The following ZNF609 variants were observed in gnomAD, a reference collection of about 807,000 sequenced individuals.
ZNF609 encodes the protein zinc finger protein 609.
Under a neutral mutation model 109.5 loss-of-function variants are expected in ZNF609, and 11 were observed. That is an observed-to-expected ratio of 0.10 (90% confidence interval 0.06 to 0.17). The LOEUF is 0.17. Ranked by LOEUF, ZNF609 falls within the 10% of genes least tolerant of loss-of-function variation. ZNF609 has a pLI of 1.00. For synonymous variants in ZNF609, 646 were observed against 662.0 expected, an observed-to-expected ratio of 0.98 and a Z score of 0.37; for missense variants, 1,559 against 1,772.4, an observed-to-expected ratio of 0.88 and a Z score of 2.16.
intron 1 of ZNF609, among the ~76,000 whole-genome samples, chr15:64,483,538 C>T (rs1022218159): frequency 2.6e-5 from 4 of 152,102 alleles, no homozygotes; most frequent in East Asian, 3.9e-4. Context: ...AGATGCATAC[C>T]ACCACGCCTG....
chr15:64,627,981 A>C (rs1895998872), intron 3 of ZNF609, among the ~76,000 whole-genome samples: 1 of 150,842 alleles, frequency 6.6e-6, no homozygotes, highest in Non-Finnish European at 1.5e-5. Context: ...AAGTTATAAA[A>C]ATCTATGCAG....
chr15:64,551,985 C>CAA lies in ZNF609; in HGVS notation c.747+51835_747+51836dup, dbSNP rs35698512. Among the ~76,000 whole-genome samples the CAA allele has an allele frequency of 8.9e-4, 83 of 93,374 alleles. 2 individuals carry two copies. The highest frequency in any genetic ancestry group is 5.8e-3 in the Middle Eastern group (1 of 172). 61.3% of individuals were successfully genotyped at this position (93,374 alleles called of 152,430 possible). A position where few individuals can be genotyped will look rare whatever the true frequency, so the allele number is the denominator to read the frequency against. The stretch of plus-strand genomic sequence containing the variant: ...TGGGTGACAGAGTAAGACTCTGTCT[C>CAA]AAAAAAAAAAAAAAAAAGTTTTTTC... On this transcript the variant is annotated intron_variant, in intron 2 of 9. Transcript: ENST00000326648.
At chr15:64,543,182 T>A (rs1336840765) in intron 2 of ZNF609, among the ~76,000 whole-genome samples, 2 of 151,654 alleles carry the variant, frequency 1.3e-5, no homozygotes, top group African/African-American at 2.4e-5. Context: ...AAAATAAATT[T>A]AAAAATTCCA....
At chr15:64,648,745 C>CAAAAAAAAA (rs1162012248) in intron 3 of ZNF609, among the ~76,000 whole-genome samples, 1 of 72,426 alleles carries the variant, frequency 1.4e-5, no homozygotes. Context: ...CACCACATAC[C>CAAAAAAAAA]AAAAAAAAAA....
chr15:64,653,503 G>A (rs373044660), intron 3 of ZNF609, among the ~76,000 whole-genome samples: 7 of 152,298 alleles, frequency 4.6e-5, no homozygotes, highest in African/African-American at 1.7e-4. Context: ...AAAATTAGCT[G>A]GGTGTGGCGG....
Position 64,517,854 on chromosome 15 carries a change from A to G in ZNF609, c.747+17688A>G, listed in dbSNP as rs1015600922. Among the ~76,000 whole-genome samples, 43 of 152,166 alleles carry G rather than the reference A, an allele frequency of 2.8e-4. 1 individual carries two copies. Among genetic ancestry groups the G allele is most frequent in the African/African-American group, 1.0e-3 (42 of 41,522 alleles). ...GAGTACAGTGGCACAATCTTGGCCC[A>G]CTATAACCTCTGCCTCCTGGGCTCA... On this transcript the variant is annotated intron_variant, in intron 2 of 9. Transcript: ENST00000326648.
intron 2 of ZNF609, among the ~76,000 whole-genome samples, chr15:64,558,297 G>T (rs1360015801): frequency 6.6e-6 from 1 of 151,162 alleles, no homozygotes; most frequent in Non-Finnish European, 1.5e-5. Context: ...TCCTACCTGG[G>T]TTCCAATCCT....
intron 2 of ZNF609, chr15:64,502,239 A>G (rs1893572372): frequency 1.3e-5 from 2 of 152,166 alleles, no homozygotes; most frequent in Admixed American, 1.3e-4. Flanking sequence ...TGTTCCCTCA[A>G]CCCTTTTGGA....
chr15:64,629,419 G>GAGGT, intron 3 of ZNF609, among the ~76,000 whole-genome samples: 1 of 152,332 alleles, frequency 6.6e-6, no homozygotes, highest in East Asian at 1.9e-4. Flanking sequence ...AGAGAATTTG[G>GAGGT]AGGTAGGTAG....
rs191176762 is a variant in ZNF609, at chr15:64,681,525, C to T, written c.*5+138C>T. ...TGGAACCCTGGCCAAGCCTCTTGTA[C>T]AAGAGTCTCCCGTGAAGCCATGTGC... is the stretch of plus-strand genomic sequence containing the variant. On this transcript the variant is annotated intron_variant, in intron 9 of 9. Coordinates refer to ENST00000326648, the MANE Select transcript of ZNF609 (RefSeq NM_015042.2). The T allele has an allele frequency of 3.8e-5, 27 of 713,868 alleles. No individual in the cohort carries two copies. In the Admixed American group the frequency reaches 3.9e-4, roughly 10 times the overall value. The allele number at this position is 713,868 out of a possible 1,614,324, so 44.2% of individuals were successfully genotyped here.
At chr15:64,541,021 C>CT (rs1894246443) in intron 2 of ZNF609, among the ~76,000 whole-genome samples, 1 of 123,768 alleles carries the variant, frequency 8.1e-6, no homozygotes, top group African/African-American at 3.2e-5. Flanking sequence ...GAGTAAGACT[C>CT]TGTCTCAAAA....
chr15:64,648,655 A>C (rs1457775499), intron 3 of ZNF609, among the ~76,000 whole-genome samples: 1 of 151,554 alleles, frequency 6.6e-6, no homozygotes, highest in African/African-American at 2.4e-5. Flanking sequence ...GGTTGGTGAG[A>C]GAATTAAATA....
intron 1 of ZNF609, among the ~76,000 whole-genome samples, chr15:64,492,120 G>A (rs1027784675): frequency 2.0e-5 from 3 of 151,066 alleles, no homozygotes; most frequent in Non-Finnish European, 3.0e-5. Flanking sequence ...GCACATGCCT[G>A]TAATCCCAGC....
chr15:64,511,848 G>A lies in ZNF609; in HGVS notation c.747+11682G>A, dbSNP rs1000525227. ...TCCTGCCTCAGCCTCTCGAGTAGCT[G>A]GGATTACAGGCACACTCCACCACGC... On this transcript the variant is annotated intron_variant, in intron 2 of 9. Transcript: ENST00000326648. Among the ~76,000 whole-genome samples the A allele has an allele frequency of 2.6e-5, 4 of 151,450 alleles. No homozygotes were observed. The East Asian group carries it at 7.8e-4, about 30-fold the overall frequency.
At chr15:64,568,068 G>A (rs1283482669) in intron 2 of ZNF609, among the ~76,000 whole-genome samples, 1 of 152,008 alleles carries the variant, frequency 6.6e-6, no homozygotes, top group Non-Finnish European at 1.5e-5. Flanking sequence ...TCAAAGTTTT[G>A]TCATATTTGC....
chr15:64,528,654 T>TG, intron 2 of ZNF609: 1 of 1,072,740 alleles, frequency 9.3e-7, no homozygotes, highest in African/African-American at 1.6e-5. Flanking sequence ...GCTGGGCTGG[T>TG]GGTCCAGGGG....
chr15:64,570,133 T>A lies in ZNF609; in HGVS notation c.748-52694T>A, dbSNP rs1265555864. On this transcript the variant is annotated intron_variant, in intron 2 of 9. Transcript: ENST00000326648. Reference sequence around the variant, plus strand: ...CCTTAACTTCCCAAAGTGTTGAGATTACAGGCGTGAGCCACTGTGCCTGAC... The same window carrying A: ...CCTTAACTTCCCAAAGTGTTGAGATAACAGGCGTGAGCCACTGTGCCTGAC... Among the ~76,000 whole-genome samples, 8 of 152,208 alleles carry A rather than the reference T, an allele frequency of 5.3e-5. No homozygotes were observed. In the East Asian group the frequency reaches 1.3e-3, roughly 26 times the overall value.
At chr15:64,596,829 C>A (rs1056396249) in intron 2 of ZNF609, among the ~76,000 whole-genome samples, 13 of 152,056 alleles carry the variant, frequency 8.5e-5, no homozygotes, top group African/African-American at 3.1e-4. Context: ...CTATTTGTAC[C>A]CTTTCACCAA....
At position 64,609,064 on chromosome 15, in the gene ZNF609, T is replaced by TTTTCTTTCTTTCTCTTTCTTTC. The variant is rs1555422612; in HGVS notation, c.748-13750_748-13749insCTTTCTTTCTTTCTTTCTTTCT. ...GTTACTTGCATGTTTTAGTTTTAATTTTTCTTTCTTTCTTTCTTTCTTTCT... is the reference window on the plus strand; with the variant it reads ...GTTACTTGCATGTTTTAGTTTTAATTTTTCTTTCTTTCTCTTTCTTTCTTTCTTTCTTTCTTTCTTTCTTTCT... On this transcript the variant is annotated intron_variant, in intron 2 of 9. Coordinates refer to ENST00000326648, the MANE Select transcript of ZNF609 (RefSeq NM_015042.2). Among the ~76,000 whole-genome samples the TTTTCTTTCTTTCTCTTTCTTTC allele has an allele frequency of 1.5e-3, 183 of 119,112 alleles. 6 individuals are homozygous for TTTTCTTTCTTTCTCTTTCTTTC. The highest frequency in any genetic ancestry group is 5.7e-3 in the African/African-American group (173 of 30,148). The allele number at this position is 119,112 out of a possible 152,430, so 78.1% of individuals were successfully genotyped here. A position where few individuals can be genotyped will look rare whatever the true frequency, so the allele number is the denominator to read the frequency against.
Sources: gnomAD v4.1 joint callset for allele counts (sites outside exome capture counted in the v4.1 genomes callset) on GRCh38, gnomAD v4.1.1 for gene constraint, MANE v1.5 for transcripts, NCBI Gene and HGNC (gene_info 2026-07-23, HGNC 2026-07-21) for gene names.